GMEB2: variants seen among roughly 807,000 people sequenced by gnomAD.
GMEB2 encodes the protein glucocorticoid modulatory element-binding protein 2.
GMEB2 carries 7 observed loss-of-function variants against 45.7 expected under a neutral mutation model. That is an observed-to-expected ratio of 0.15 (90% CI 0.09 to 0.29). GMEB2 has a LOEUF of 0.29. Among genes scored for constraint, GMEB2 ranks in the 10% least tolerant of loss-of-function variants. The probability of loss-of-function intolerance (pLI) is 1.00; values close to 1 mark genes in which losing one functional copy is unlikely to be tolerated. For synonymous variants in GMEB2, 322 were observed against 323.6 expected (o/e 1.00, Z 0.05); for missense variants, 582 against 739.2 (o/e 0.79, Z 2.47).
At chr20:63,597,016 C>A (rs1177403937) in intron 5 of GMEB2, among the ~76,000 whole-genome samples, 1 of 149,868 alleles carries the variant, frequency 6.7e-6, no homozygotes, top group Admixed American at 6.6e-5. Context: ...GACTCCCTCT[C>A]AAAAAAAAAG....
chr20:63,596,736 G>C (rs1480271601), intron 5 of GMEB2, among the ~76,000 whole-genome samples: 1 of 152,378 alleles, frequency 6.6e-6, no homozygotes, highest in South Asian at 2.1e-4. Context: ...GATAAGTGAA[G>C]GCCGGGCACG....
rs575147627 is a variant in GMEB2 at position 63,588,307 on chromosome 20, G to A, written c.*1782C>T. ...AGACGCACTCGTGACTTTGACAAAG[G>A]GAAGCAGCTGGAAGGTTGCGGGTCC... On this transcript the variant is annotated 3_prime_UTR_variant, in exon 10 of 10. Transcript: ENST00000370077. The A allele has an allele frequency of 1.9e-5, 3 of 155,726 alleles. No individual in the cohort carries two copies. Among genetic ancestry groups the A allele is most frequent in the Admixed American group, 6.5e-5 (1 of 15,368 alleles). 9.6% of individuals were successfully genotyped at this position (155,726 alleles called of 1,614,324 possible).
In GMEB2 at chr20:63,595,755, G is replaced by A. The variant is rs954542961; in HGVS notation, c.474C>T (p.Asp158=). 2 of 1,613,874 alleles carry A rather than the reference G, an allele frequency of 1.2e-6. No individual in the cohort carries two copies. Among genetic ancestry groups the A allele is most frequent in the African/African-American group, 2.7e-5 (2 of 74,946 alleles). Residue 158 remains aspartate, a synonymous_variant, in exon 6 of 10, where the codon GAC becomes GAT. Coordinates refer to ENST00000370077, the MANE Select transcript of GMEB2 (RefSeq NM_012384.5). The stretch of plus-strand genomic sequence containing the variant: ...GCTGGTAGAAGTCCAGTTCCCCGGA[G>A]TCCATGATCTTCCTGTGACAGACAG... The part of the protein sequence containing the change: ...MNGIMLRKIM[D]SGELDFYQHD...
rs889667315 is a variant in GMEB2, at chr20:63,592,257, G to A, written c.830-113C>T. On this transcript the variant is annotated intron_variant, in intron 8 of 9. Transcript: ENST00000370077. This position sits in a 1 kb window ranked among gnomAD's most constrained non-coding sequence, Gnocchi z 8.2. ...AGAGAGTCACGTGGACGCTCGGTGAGAGCCTGGGCTCTTCCTAGAGAGTGA... is the reference window on the plus strand; with the variant it reads ...AGAGAGTCACGTGGACGCTCGGTGAAAGCCTGGGCTCTTCCTAGAGAGTGA... 7 of 1,007,690 alleles carry A rather than the reference G, an allele frequency of 6.9e-6. No individual in the cohort carries two copies. The African/African-American group carries it at 1.1e-4, about 16-fold the overall frequency. The allele number at this position is 1,007,690 out of a possible 1,614,324, so 62.4% of individuals were successfully genotyped here.
rs1403739350 is a variant in GMEB2 at position 63,587,716 on chromosome 20, GAGA to G, written c.*2370_*2372del. ...CCTAGGGCGCCTCTGAGCAGGCACA[GAGA>G]AGTTCTCACCCTCTGCAAAATCCAA... On this transcript the variant is annotated 3_prime_UTR_variant, in exon 10 of 10. Coordinates refer to ENST00000370077, the MANE Select transcript of GMEB2 (RefSeq NM_012384.5). 6.6e-6 allele frequency: 1 copy of G among 152,402 alleles called. No individual in the cohort carries two copies. The highest frequency in any genetic ancestry group is 1.9e-4 in the East Asian group (1 of 5,340). The allele number at this position is 152,402 out of a possible 1,614,324, so 9.4% of individuals were successfully genotyped here. A position where few individuals can be genotyped will look rare whatever the true frequency, so the allele number is the denominator to read the frequency against.
rs766602123 is a variant in GMEB2 at position 63,590,101 on chromosome 20, G to A, written c.1581C>T (p.His527=). The part of the protein sequence containing the change: ...TIEVAAMAED[H]ERK ...GCCCTCCTGTCGGCTACTTCCGCTC[G>A]TGGTCCTCTGCCATGGCAGCCACCT... The change falls in exon 10 of 10, where the codon CAC becomes CAT. Residue 527 remains histidine (H), a synonymous_variant. Coordinates refer to ENST00000370077, the MANE Select transcript of GMEB2 (RefSeq NM_012384.5). 1.7e-5 allele frequency: 26 copies of A among 1,509,502 alleles called. No homozygotes were observed. Among genetic ancestry groups the A allele is most frequent in the Admixed American group, 8.6e-5 (4 of 46,518 alleles). The allele number at this position is 1,509,502 out of a possible 1,614,324, so 93.5% of individuals were successfully genotyped here.
chr20:63,597,751 GCC>G lies in GMEB2; in HGVS notation c.461+4_461+5del. 1.3e-6 allele frequency: 2 copies of G among 1,526,288 alleles called. No homozygotes were observed. The highest frequency in any genetic ancestry group is 1.8e-6 in the Non-Finnish European group (2 of 1,100,154). The allele number at this position is 1,526,288 out of a possible 1,614,324, so 94.5% of individuals were successfully genotyped here. On this transcript the variant is annotated splice_donor_5th_base_variant and intron_variant, in intron 5 of 9. Coordinates refer to ENST00000370077, the MANE Select transcript of GMEB2 (RefSeq NM_012384.5). ...GCAGGGAGGCTGACCCTGCGCCAGC[GCC>G]CACCTGAGCATGATGCCGTTCATGC... is the stretch of plus-strand genomic sequence containing the variant.
At chr20:63,605,010 G>T in intron 2 of GMEB2, 170 bp from the exon 3 acceptor site, 1 of 553,360 alleles carries the variant, frequency 1.8e-6, no homozygotes, top group Non-Finnish European at 3.3e-6. Flanking sequence ...CAGCACTTTG[G>T]GAGGCTGAGG....
chr20:63,615,684 A>C (rs1178319271), intron 2 of GMEB2, among the ~76,000 whole-genome samples: 1 of 152,186 alleles, frequency 6.6e-6, no homozygotes, highest in East Asian at 1.9e-4. Flanking sequence ...ATTCATCAAC[A>C]TGGAAAGACA....
intron 2 of GMEB2, among the ~76,000 whole-genome samples, chr20:63,609,844 A>G (rs1273789100): frequency 7.3e-6 from 1 of 137,806 alleles, no homozygotes; most frequent in Non-Finnish European, 1.6e-5. Flanking sequence ...TTCTAGAAAC[A>G]TGCCCCTCTG....
chr20:63,606,865 A>C (rs1227436046), intron 2 of GMEB2, among the ~76,000 whole-genome samples: 3 of 152,156 alleles, frequency 2.0e-5, no homozygotes, highest in Non-Finnish European at 4.4e-5. Context: ...AAACCAGTAC[A>C]TGAGGCCACT....
chr20:63,602,719 T>G (rs2083250412), intron 4 of GMEB2, among the ~76,000 whole-genome samples: 1 of 152,154 alleles, frequency 6.6e-6, no homozygotes, highest in Non-Finnish European at 1.5e-5. Context: ...CTGGATCTGC[T>G]GGGTAAAGCT....
chr20:63,596,814 T>TC (rs2083203725), intron 5 of GMEB2, among the ~76,000 whole-genome samples: 1 of 152,186 alleles, frequency 6.6e-6, no homozygotes, highest in South Asian at 2.1e-4. Context: ...GGTCAAGTGT[T>TC]CGAGACCAGC....
chr20:63,598,230 G>A (rs946688371), intron 4 of GMEB2, among the ~76,000 whole-genome samples: 9 of 152,066 alleles, frequency 5.9e-5, no homozygotes, highest in Admixed American at 4.6e-4. Flanking sequence ...ACGTTACATC[G>A]CAGATGGCAA....
Position 63,590,556 on chromosome 20 carries a change from G to C in GMEB2, c.1126C>G (p.Leu376Val), listed in dbSNP as rs1210782832. 2.6e-6 allele frequency: 4 copies of C among 1,551,984 alleles called. No homozygotes were observed. In the East Asian group the frequency reaches 9.2e-5, roughly 36 times the overall value. ...AGCGCCAGCTGGGCAGACTGGGTGA[G>C]CACCTGCGAGGCCATGGCGGCCGGT... is the stretch of plus-strand genomic sequence containing the variant. ...SGPAAMASQVLTQSAQLALGP... is the reference protein window; with the variant it reads ...SGPAAMASQVVTQSAQLALGP... The change falls in exon 10 of 10, where the codon CTC becomes GTC. Residue 376 changes from leucine to valine, a missense_variant. By Grantham distance (32) the Leu-to-Val change is conservative. Coordinates refer to ENST00000370077, the MANE Select transcript of GMEB2 (RefSeq NM_012384.5).
intron 2 of GMEB2, among the ~76,000 whole-genome samples, chr20:63,610,050 A>T (rs1175355518): frequency 6.6e-6 from 1 of 152,194 alleles, no homozygotes; most frequent in African/African-American, 2.4e-5. Context: ...CACTGGCATG[A>T]GGGTTGTCTG....
intron 2 of GMEB2, among the ~76,000 whole-genome samples, chr20:63,618,470 G>A (rs921119380): frequency 2.0e-5 from 3 of 152,214 alleles, no homozygotes; most frequent in Non-Finnish European, 4.4e-5. Flanking sequence ...CCAGGCAGCA[G>A]CTGCCTGCAC....
chr20:63,619,156 G>C lies in GMEB2; in HGVS notation c.131+111C>G. 1 of 1,106,282 alleles carries C rather than the reference G, an allele frequency of 9.0e-7. No individual in the cohort carries two copies. 68.5% of individuals were successfully genotyped at this position (1,106,282 alleles called of 1,614,324 possible). Reference sequence around the variant, plus strand: ...ATTTGAGTCCAGTCTCAGAAGAACTGGAACTAGAAAAATCCTGACACTTGT... The same window carrying C: ...ATTTGAGTCCAGTCTCAGAAGAACTCGAACTAGAAAAATCCTGACACTTGT... On this transcript the variant is annotated intron_variant, in intron 2 of 9. Coordinates refer to ENST00000370077, the MANE Select transcript of GMEB2 (RefSeq NM_012384.5). The surrounding 1 kb of genome is among the most constrained non-coding windows in gnomAD (Gnocchi z 4.6).
chr20:63,612,841 C>T (rs1046819740), intron 2 of GMEB2, among the ~76,000 whole-genome samples: 10 of 152,182 alleles, frequency 6.6e-5, no homozygotes, highest in African/African-American at 1.2e-4. Flanking sequence ...TGTCAGCTGA[C>T]GACAGGGGTT....
Sources: gnomAD v4.1 joint callset for allele counts (sites outside exome capture counted in the v4.1 genomes callset) on GRCh38, gnomAD v4.1.1 for gene constraint, Gnocchi (gnomAD v3.1) non-coding constraint, MANE v1.5 for transcripts, NCBI Gene and HGNC (gene_info 2026-07-23, HGNC 2026-07-21) for gene names.